The following GABRB1 variants were observed in gnomAD, a reference collection of about 807,000 sequenced individuals.
The protein encoded by GABRB1 is gamma-aminobutyric acid receptor subunit beta-1.
Under a neutral mutation model 51.6 loss-of-function variants are expected in GABRB1, and 17 were observed. The observed-to-expected ratio is 0.33, with a 90% confidence interval of 0.23 to 0.49. GABRB1 has a LOEUF of 0.49. Among genes scored for constraint, GABRB1 ranks in the 20% least tolerant of loss-of-function variants. The pLI is 0.99. For synonymous variants in GABRB1, 247 were observed against 218.9 expected (o/e 1.13, Z -1.14); for missense variants, 410 against 600.6 (o/e 0.68, Z 3.32).
At chr4:47,207,400 A>C (rs1470705015) in intron 4 of GABRB1, among the ~76,000 whole-genome samples, 1 of 151,994 alleles carries the variant, frequency 6.6e-6, no homozygotes, top group East Asian at 1.9e-4. Context: ...TACTTTTGTC[A>C]TAATGTTCTG....
intron 5 of GABRB1, among the ~76,000 whole-genome samples, chr4:47,349,871 T>C (rs1438846211): frequency 6.6e-6 from 1 of 152,190 alleles, no homozygotes; most frequent in Non-Finnish European, 1.5e-5. Flanking sequence ...TCTGATTTAT[T>C]TCCCTCATTG....
At chr4:47,164,667 C>A (rs1490717294) in intron 4 of GABRB1, among the ~76,000 whole-genome samples, 1 of 152,074 alleles carries the variant, frequency 6.6e-6, no homozygotes, top group Non-Finnish European at 1.5e-5. Context: ...TTGCTATATT[C>A]AAACTCGGTA....
chr4:47,287,201 G>A (rs1723543377), intron 4 of GABRB1, among the ~76,000 whole-genome samples: 1 of 152,122 alleles, frequency 6.6e-6, no homozygotes, highest in Admixed American at 6.5e-5. Flanking sequence ...TCTTATACCA[G>A]GTTGCACCCT....
intron 4 of GABRB1, among the ~76,000 whole-genome samples, chr4:47,302,682 T>C (rs1724305635): frequency 6.6e-6 from 1 of 152,002 alleles, no homozygotes; most frequent in African/African-American, 2.4e-5. Context: ...ATGTACTCAG[T>C]ATAATAATGA....
intron 3 of GABRB1, among the ~76,000 whole-genome samples, chr4:47,080,041 G>A (rs370907733): frequency 6.6e-6 from 1 of 152,162 alleles, no homozygotes; most frequent in South Asian, 2.1e-4. Context: ...CTGCCAAAGA[G>A]TGTTGTCAGA....
intron 4 of GABRB1, among the ~76,000 whole-genome samples, chr4:47,212,634 G>A (rs187594580): frequency 1.1e-4 from 16 of 152,138 alleles, no homozygotes; most frequent in South Asian, 4.1e-4. Context: ...AGCCGAGATC[G>A]TGTTGCTGCA....
chr4:47,276,793 G>A (rs1723092628), intron 4 of GABRB1, among the ~76,000 whole-genome samples: 1 of 152,082 alleles, frequency 6.6e-6, no homozygotes, highest in Non-Finnish European at 1.5e-5. Flanking sequence ...ATCATAGGAT[G>A]TGTAACAGCC....
intron 4 of GABRB1, among the ~76,000 whole-genome samples, chr4:47,250,473 G>T (rs1721944669): frequency 6.6e-6 from 1 of 152,124 alleles, no homozygotes; most frequent in South Asian, 2.1e-4. Flanking sequence ...TGTTCTTTGT[G>T]CTTCTTGTAT....
intron 5 of GABRB1, among the ~76,000 whole-genome samples, chr4:47,339,198 A>G (rs140901522): frequency 7.9e-4 from 121 of 152,308 alleles, no homozygotes; most frequent in African/African-American, 2.7e-3. Flanking sequence ...CAGGTGGAAG[A>G]ATTGAGAGGT....
intron 3 of GABRB1, among the ~76,000 whole-genome samples, chr4:47,036,051 G>A (rs1725542910): frequency 6.6e-6 from 1 of 152,156 alleles, no homozygotes; most frequent in African/African-American, 2.4e-5. Context: ...CTCAATTCAA[G>A]CTGTTCCCAA....
intron 4 of GABRB1, among the ~76,000 whole-genome samples, chr4:47,242,852 A>T (rs1376389457): frequency 6.6e-6 from 1 of 152,064 alleles, no homozygotes; most frequent in African/African-American, 2.4e-5. Flanking sequence ...TTCACTCTGA[A>T]GGTAGTTTCT....
At chr4:47,133,711 A>G (rs986537377) in intron 3 of GABRB1, among the ~76,000 whole-genome samples, 2 of 152,320 alleles carry the variant, frequency 1.3e-5, no homozygotes, top group African/African-American at 4.8e-5. Context: ...TGTTTTTAGC[A>G]GGACTATCAC....
chr4:47,056,492 G>A (rs751860039), intron 3 of GABRB1, among the ~76,000 whole-genome samples: 16 of 152,132 alleles, frequency 1.1e-4, no homozygotes, highest in Non-Finnish European at 2.9e-5. Flanking sequence ...CACATATAAA[G>A]GTAGCATGCT....
At chr4:47,054,834 C>T (rs1726517444) in intron 3 of GABRB1, among the ~76,000 whole-genome samples, 1 of 152,200 alleles carries the variant, frequency 6.6e-6, no homozygotes, top group Non-Finnish European at 1.5e-5. Flanking sequence ...ATCCATCCAC[C>T]TCAGCCTCCC....
intron 3 of GABRB1, among the ~76,000 whole-genome samples, chr4:47,092,085 G>T (rs1560530150): frequency 6.8e-6 from 1 of 147,940 alleles, no homozygotes; most frequent in East Asian, 2.0e-4. Context: ...AATTTGTGTG[G>T]TTACATTATA....
At chr4:47,382,113 T>A (rs1727619055) in intron 5 of GABRB1, among the ~76,000 whole-genome samples, 1 of 152,238 alleles carries the variant, frequency 6.6e-6, no homozygotes, top group Non-Finnish European at 1.5e-5. Context: ...AATCTAGGTA[T>A]AATTATGCAC....
intron 4 of GABRB1, among the ~76,000 whole-genome samples, chr4:47,235,133 C>G (rs1473206654): frequency 1.3e-5 from 2 of 152,172 alleles, no homozygotes; most frequent in Admixed American, 1.3e-4. Context: ...AACATACTAA[C>G]CAGTCCTTTG....
intron 4 of GABRB1, among the ~76,000 whole-genome samples, chr4:47,318,991 T>C (rs1724977730): frequency 6.6e-6 from 1 of 152,102 alleles, no homozygotes. Context: ...CCTCTCAAGA[T>C]AGTAGCCTAC....
chr4:47,158,917 T>C (rs776581289), intron 3 of GABRB1, among the ~76,000 whole-genome samples: 24 of 152,070 alleles, frequency 1.6e-4, no homozygotes, highest in Non-Finnish European at 3.5e-4. Context: ...GTTTCTAAAG[T>C]ACCTTAACCT....
Sources: gnomAD v4.1 joint callset for allele counts (sites outside exome capture counted in the v4.1 genomes callset) on GRCh38, gnomAD v4.1.1 for gene constraint, MANE v1.5 for transcripts, NCBI Gene and HGNC (gene_info 2026-07-23, HGNC 2026-07-21) for gene names.